SYTL3: variants seen among roughly 807,000 people sequenced by gnomAD.
SYTL3 encodes synaptotagmin-like protein 3.
A neutral mutation model predicts 82.1 loss-of-function variants in SYTL3; 88 were observed. The ratio of observed to expected loss-of-function variants is 1.07; its 90% CI spans 0.90 to 1.28. The LOEUF (loss-of-function observed/expected upper bound fraction) is 1.28. SYTL3 is among the 50% of genes most tolerant of loss of function. The pLI is 0.00. For missense variants in SYTL3, 831 were observed against 757.6 expected (o/e 1.10, Z -1.14); for synonymous variants, 311 against 289.4 (o/e 1.07, Z -0.76).
At chr6:158,737,606 A>G (rs1292250764) in intron 11 of SYTL3, among the ~76,000 whole-genome samples, 1 of 152,178 alleles carries the variant, frequency 6.6e-6, no homozygotes, top group Non-Finnish European at 1.5e-5. Context: ...AATAAAAGTC[A>G]GGCTGAGTTT....
chr6:158,703,153 TAAAAAAAAAA>T (rs71297001), intron 6 of SYTL3, among the ~76,000 whole-genome samples: 3 of 94,876 alleles, frequency 3.2e-5, no homozygotes, highest in East Asian at 2.9e-4. Context: ...GACTCTGTCT[TAAAAAAAAAA>T]AAAAAAAAAA....
At chr6:158,673,255 A>G (rs553065978) in intron 5 of SYTL3, among the ~76,000 whole-genome samples, 1 of 150,868 alleles carries the variant, frequency 6.6e-6, no homozygotes, top group South Asian at 2.1e-4. Context: ...CCTTTTTATT[A>G]AAAACAGTTT....
intron 14 of SYTL3, among the ~76,000 whole-genome samples, chr6:158,758,452 A>AC (rs1562471020): frequency 1.4e-5 from 2 of 144,562 alleles, no homozygotes; most frequent in African/African-American, 5.1e-5. Flanking sequence ...AAAAAAAAAA[A>AC]CCCAGCGGGA....
chr6:158,694,442 A>G (rs1180873417), intron 6 of SYTL3, among the ~76,000 whole-genome samples: 1 of 151,838 alleles, frequency 6.6e-6, no homozygotes, highest in Non-Finnish European at 1.5e-5. Flanking sequence ...CCACAGGTGC[A>G]CACCACCACG....
rs758392448 is a variant in SYTL3 at position 158,763,368 on chromosome 6, TG to T, written c.1583del (p.Cys528SerfsTer13). On this transcript the variant is annotated frameshift_variant, in exon 17 of 18. Transcript: ENST00000611299. LOFTEE classifies it high-confidence loss of function. Reference sequence around the variant, plus strand: ...GTCGCCAGTCCTGAGGAAGCAGGCTTGCCCCCAGTGGAAACACTCATTTGTC... The same window carrying T: ...GTCGCCAGTCCTGAGGAAGCAGGCTTCCCCCAGTGGAAACACTCATTTGTC... ...LKSPVLRKQA[C>X]PQWKHSFVFS... 3.1e-6 allele frequency: 5 copies of T among 1,614,126 alleles called. No homozygotes were observed. Among genetic ancestry groups the T allele is most frequent in the Non-Finnish European group, 4.2e-6 (5 of 1,180,048 alleles).
intron 5 of SYTL3, among the ~76,000 whole-genome samples, chr6:158,668,985 C>A (rs1777057230): frequency 6.6e-6 from 1 of 152,122 alleles, no homozygotes; most frequent in Admixed American, 6.5e-5. Flanking sequence ...TTGTCCTCAG[C>A]AGGGGCCGAT....
chr6:158,689,985 T>G (rs1467544634), intron 6 of SYTL3, among the ~76,000 whole-genome samples: 1 of 152,196 alleles, frequency 6.6e-6, no homozygotes, highest in Non-Finnish European at 1.5e-5. Flanking sequence ...TATCTAATTT[T>G]TTTTCCTCCC....
At chr6:158,699,231 T>C (rs1490582869) in intron 6 of SYTL3, among the ~76,000 whole-genome samples, 1 of 152,198 alleles carries the variant, frequency 6.6e-6, no homozygotes, top group Admixed American at 6.5e-5. Context: ...CCAGGGAGTC[T>C]GCCCTGTGTC....
chr6:158,679,762 T>C (rs1446970411), intron 5 of SYTL3, among the ~76,000 whole-genome samples: 1 of 152,246 alleles, frequency 6.6e-6, no homozygotes, highest in African/African-American at 2.4e-5. Context: ...GTGTAGGTTC[T>C]GAAACCAGGG....
intron 1 of SYTL3, among the ~76,000 whole-genome samples, chr6:158,650,890 G>A (rs1261561079): frequency 6.6e-6 from 1 of 152,108 alleles, no homozygotes; most frequent in Non-Finnish European, 1.5e-5. Context: ...GGCGGAGGTG[G>A]CAGTGAGCCA....
chr6:158,723,189 G>T (rs1410555028), intron 10 of SYTL3, among the ~76,000 whole-genome samples: 3 of 148,692 alleles, frequency 2.0e-5, no homozygotes, highest in Non-Finnish European at 3.0e-5. Flanking sequence ...CTGCCTCCCG[G>T]GTTCAAGTGA....
intron 6 of SYTL3, 68 bp from the exon 7 acceptor site, chr6:158,707,162 T>C (rs1782192729): frequency 1.4e-6 from 2 of 1,445,220 alleles, no homozygotes; most frequent in African/African-American, 2.8e-5. Context: ...TAATCTACTA[T>C]TTCCTGTATT....
intron 11 of SYTL3, among the ~76,000 whole-genome samples, chr6:158,735,119 C>T (rs1391713665): frequency 6.6e-6 from 1 of 152,120 alleles, no homozygotes; most frequent in Admixed American, 6.6e-5. Flanking sequence ...GCCTCACTCA[C>T]TCAGGGCCAG....
chr6:158,709,922 C>A (rs868341001), intron 8 of SYTL3, among the ~76,000 whole-genome samples: 20 of 152,128 alleles, frequency 1.3e-4, no homozygotes, highest in Admixed American at 8.5e-4. Context: ...GTAGGCTCAG[C>A]TACTCAGGAG....
intron 10 of SYTL3, 103 bp from the exon 11 acceptor site, chr6:158,725,400 G>A: frequency 1.5e-6 from 2 of 1,337,218 alleles, no homozygotes; most frequent in Non-Finnish European, 1.0e-6. Context: ...AAGTTTGCAT[G>A]TTAGTAACAT....
At chr6:158,755,405 G>A (rs1403504237) in intron 13 of SYTL3, among the ~76,000 whole-genome samples, 1 of 152,198 alleles carries the variant, frequency 6.6e-6, no homozygotes, top group Non-Finnish European at 1.5e-5. Flanking sequence ...CCAAAGGCAG[G>A]AGAAAAGGGA....
intron 5 of SYTL3, among the ~76,000 whole-genome samples, chr6:158,679,281 G>A (rs1778389261): frequency 6.6e-6 from 1 of 151,942 alleles, no homozygotes; most frequent in African/African-American, 2.4e-5. Context: ...GAGGAGGGAG[G>A]ATCACTTGAA....
At chr6:158,679,908 C>T (rs1778466403) in intron 5 of SYTL3, among the ~76,000 whole-genome samples, 1 of 152,044 alleles carries the variant, frequency 6.6e-6, no homozygotes, top group Non-Finnish European at 1.5e-5. Flanking sequence ...CGATGTTGTC[C>T]CCCTGTCTGA....
At chr6:158,709,127 G>A (rs1315551303) in intron 8 of SYTL3, among the ~76,000 whole-genome samples, 6 of 152,124 alleles carry the variant, frequency 3.9e-5, no homozygotes, top group Admixed American at 3.9e-4. Context: ...CAGCTACTCT[G>A]GAGGCTGAGG....
Sources: allele counts gnomAD v4.1 joint callset (sites outside exome capture counted in the v4.1 genomes callset), GRCh38; gene constraint gnomAD v4.1.1; transcripts MANE v1.5; gene names NCBI Gene and HGNC (gene_info 2026-07-23, HGNC 2026-07-21).